Variants in KNDC1 observed in about 807,000 individuals in gnomAD.
KNDC1 encodes kinase non-catalytic C-lobe domain-containing protein 1.
In KNDC1, 106 loss-of-function variants were observed where a neutral mutation model predicts 172.8. The ratio of observed to expected loss-of-function variants is 0.61; its 90% CI spans 0.52 to 0.72. The LOEUF (loss-of-function observed/expected upper bound fraction) is 0.72, where lower values mean the gene tolerates loss of function less well. Among genes scored for constraint, KNDC1 ranks in the 30% least tolerant of loss-of-function variants. KNDC1 has a pLI of 0.00. For missense variants in KNDC1, 2,325 were observed against 2,394.5 expected (o/e 0.97, Z 0.61); for synonymous variants, 1,083 against 1,062.2 (o/e 1.02, Z -0.38).
intron 17 of KNDC1, 94 bp from the exon 18 acceptor site, chr10:133,206,591 G>A (rs1845199824): frequency 9.7e-7 from 1 of 1,030,310 alleles, no homozygotes; most frequent in Non-Finnish European, 1.5e-6. Flanking sequence ...GATCTCCAAG[G>A]CCAAGGAGGC....
At position 133,163,298 on chromosome 10, in the gene KNDC1, T is replaced by G. The variant is rs979527514; in HGVS notation, c.102+2729T>G. Reference sequence around the variant, plus strand: ...GCAGCACTATCATCCCTCCCAGAGTTCAGCAACTGCCTCCCAGAACCTCCT... The same window carrying G: ...GCAGCACTATCATCCCTCCCAGAGTGCAGCAACTGCCTCCCAGAACCTCCT... On this transcript the variant is annotated intron_variant, in intron 1 of 29. Transcript: ENST00000304613. The surrounding 1 kb of genome is among the most constrained non-coding windows in gnomAD (Gnocchi z 4.4). Among the ~76,000 whole-genome samples, 4 of 152,154 alleles carry G rather than the reference T, an allele frequency of 2.6e-5. No individual in the cohort carries two copies. Among genetic ancestry groups the G allele is most frequent in the African/African-American group, 9.7e-5 (4 of 41,414 alleles).
chr10:133,211,718 C>T lies in KNDC1; in HGVS notation c.4096C>T (p.Leu1366Phe). 1.2e-6 allele frequency: 2 copies of T among 1,607,020 alleles called. No homozygotes were observed. Among genetic ancestry groups the T allele is most frequent in the Non-Finnish European group, 1.7e-6 (2 of 1,176,864 alleles). ...CGGCTCTGCCAAGCACCTGCTGGGC[C>T]TCCTGGAGGTGGGCATGGACCGGCG... is the stretch of plus-strand genomic sequence containing the variant. ...LDGSAKHLLGLLEVGMDRRAE... is the reference protein window; with the variant it reads ...LDGSAKHLLGFLEVGMDRRAE... Residue 1366 changes from leucine to phenylalanine, a missense_variant, in exon 23 of 30, where the codon CTC becomes TTC. Physicochemically the swap from Leu to Phe is conservative, Grantham distance 22. Transcript: ENST00000304613.
At chr10:133,194,368 C>T (rs962837207) in intron 9 of KNDC1, among the ~76,000 whole-genome samples, 2 of 152,094 alleles carry the variant, frequency 1.3e-5, no homozygotes, top group Non-Finnish European at 2.9e-5. Context: ...AATGAAAATG[C>T]AACATATGGC....
At chr10:133,190,617 G>A (rs1854051651) in intron 9 of KNDC1, among the ~76,000 whole-genome samples, 1 of 152,262 alleles carries the variant, frequency 6.6e-6, no homozygotes, top group Non-Finnish European at 1.5e-5. Flanking sequence ...CACACTAAAA[G>A]CCGCGCTTTT....
chr10:133,198,968 G>A lies in KNDC1; in HGVS notation c.2460G>A (p.Thr820=), dbSNP rs377707096. The part of the protein sequence containing the change: ...GLRPDALGPT[T]AHHGPRHPPK... ...GGCCCGACGCCCTGGGGCCCACCAC[G>A]GCCCACCACGGCCCACGCCACCCGC... Residue 820 remains threonine (T), a synonymous_variant, in exon 14 of 30, where the codon ACG becomes ACA. Transcript: ENST00000304613. The A allele has an allele frequency of 3.8e-5, 59 of 1,540,934 alleles. No individual in the cohort carries two copies. Among genetic ancestry groups the A allele is most frequent in the Middle Eastern group, 1.7e-4 (1 of 5,790 alleles).
chr10:133,211,876 G>T lies in KNDC1; in HGVS notation c.4236+18G>T. The T allele has an allele frequency of 6.3e-7, 1 of 1,597,486 alleles. No homozygotes were observed. The stretch of plus-strand genomic sequence containing the variant: ...CCAGGAAGGTGGGGTCCTTTCTCAG[G>T]GGAGGTCCTCCCTGGACAGGCGGAT... On this transcript the variant is annotated intron_variant, in intron 23 of 29. Coordinates refer to ENST00000304613, the MANE Select transcript of KNDC1 (RefSeq NM_152643.8).
intron 1 of KNDC1, among the ~76,000 whole-genome samples, chr10:133,165,218 G>C (rs1853109853): frequency 6.6e-6 from 1 of 152,228 alleles, no homozygotes. Flanking sequence ...GAGAATCTCC[G>C]ACGGAATTCA....
intron 1 of KNDC1, 24 bp from the exon 2 acceptor site, chr10:133,167,357 C>G: frequency 6.5e-7 from 1 of 1,544,528 alleles, no homozygotes; most frequent in Non-Finnish European, 8.8e-7. Context: ...CTGCCGGGCT[C>G]ACGGCCAGGG....
At chr10:133,177,501 A>G (rs1180110245) in intron 3 of KNDC1, among the ~76,000 whole-genome samples, 1 of 150,890 alleles carries the variant, frequency 6.6e-6, no homozygotes, top group Admixed American at 6.6e-5. Context: ...GGTGTGTGTC[A>G]TGGTCATGTG....
intron 9 of KNDC1, among the ~76,000 whole-genome samples, chr10:133,193,622 A>G (rs1479178509): frequency 6.6e-6 from 1 of 152,220 alleles, no homozygotes; most frequent in Non-Finnish European, 1.5e-5. Flanking sequence ...GAAGAAAGGA[A>G]GAAGATTGAC....
intron 6 of KNDC1, among the ~76,000 whole-genome samples, chr10:133,187,018 G>A (rs956956748): frequency 1.3e-5 from 2 of 152,212 alleles, no homozygotes; most frequent in Non-Finnish European, 2.9e-5. Flanking sequence ...CCCCGGCTCC[G>A]TGATGTCATT....
chr10:133,185,900 A>AGAGGGGAGGGGCGG, intron 5 of KNDC1, 74 bp from the exon 6 acceptor site: 3 of 523,016 alleles, frequency 5.7e-6, no homozygotes, highest in Non-Finnish European at 8.6e-6. Flanking sequence ...GGGTGGGAGG[A>AGAGGGGAGGGGCGG]GAGGGGAGGG....
intron 23 of KNDC1, among the ~76,000 whole-genome samples, chr10:133,212,306 C>T (rs901865001): frequency 6.6e-6 from 1 of 151,826 alleles, no homozygotes; most frequent in Non-Finnish European, 1.5e-5. Context: ...TGCACCCTCA[C>T]ATCCACACGT....
rs113728359 is a variant in KNDC1 at position 133,182,559 on chromosome 10, C to T, written c.361-785C>T. ...GGAAAGGTGAAGCCCCACAGGCAGCCGTCCTGGGAAGAAGTGTCCAGGCCT... is the reference window on the plus strand; with the variant it reads ...GGAAAGGTGAAGCCCCACAGGCAGCTGTCCTGGGAAGAAGTGTCCAGGCCT... On this transcript the variant is annotated intron_variant, in intron 3 of 29. Transcript: ENST00000304613. 2.0e-3 allele frequency among the ~76,000 whole-genome samples: 312 copies of T among 152,360 alleles called. 2 individuals carry two copies. The highest frequency in any genetic ancestry group is 6.0e-3 in the African/African-American group (249 of 41,584).
chr10:133,197,882 A>G (rs1323256432), intron 12 of KNDC1, 114 bp downstream of exon 12: 2 of 887,564 alleles, frequency 2.3e-6, no homozygotes, highest in South Asian at 2.7e-5. Flanking sequence ...CCCGGGAAGC[A>G]AGTCCAGAGC....
Position 133,206,779 on chromosome 10 carries a change from G to A in KNDC1, c.3481+1G>A. On this transcript the variant is annotated splice_donor_variant, in intron 18 of 29. Transcript: ENST00000304613. LOFTEE classifies it high-confidence loss of function. Reference sequence around the variant, plus strand: ...TTACAGAAGGAAAAGAGGAACAAAGGTAAGGCCCCTGTGGGCACAGGTCCG... The same window carrying A: ...TTACAGAAGGAAAAGAGGAACAAAGATAAGGCCCCTGTGGGCACAGGTCCG... 1 of 1,614,030 alleles carries A rather than the reference G, an allele frequency of 6.2e-7. No individual in the cohort carries two copies. Among genetic ancestry groups the A allele is most frequent in the Non-Finnish European group, 8.5e-7 (1 of 1,179,974 alleles).
intron 3 of KNDC1, among the ~76,000 whole-genome samples, chr10:133,178,334 A>C (rs1178828396): frequency 6.6e-6 from 1 of 152,204 alleles, no homozygotes; most frequent in Non-Finnish European, 1.5e-5. Context: ...TTCAGTGGAT[A>C]GTGCTTTTTA....
Position 133,207,211 on chromosome 10 carries a change from C to A in KNDC1, c.3654C>A (p.Cys1218Ter). The change falls in exon 20 of 30, where the codon TGC becomes TGA. Residue 1218 changes from cysteine to a stop codon, truncating the protein, a stop_gained. Coordinates refer to ENST00000304613, the MANE Select transcript of KNDC1 (RefSeq NM_152643.8). LOFTEE classifies it high-confidence loss of function. ...TCGTGAACATCGCGGCCGCACCCTGCGACACGCTGGACTTCAGCCCCCTGG... is the reference window on the plus strand; with the variant it reads ...TCGTGAACATCGCGGCCGCACCCTGAGACACGCTGGACTTCAGCCCCCTGG... ...PVIVNIAAAP[C>*]DTLDFSPLDE... 6.2e-7 allele frequency: 1 copy of A among 1,612,102 alleles called. No homozygotes were observed. Among genetic ancestry groups the A allele is most frequent in the Non-Finnish European group, 8.5e-7 (1 of 1,179,828 alleles).
At chr10:133,221,996 G>A (rs1316366897) in intron 29 of KNDC1, among the ~76,000 whole-genome samples, 3 of 149,526 alleles carry the variant, frequency 2.0e-5, no homozygotes, top group African/African-American at 7.5e-5. Context: ...TGTAACCCTA[G>A]GTGGGCCGGG....
Sources: gnomAD v4.1 joint callset for allele counts (sites outside exome capture counted in the v4.1 genomes callset) on GRCh38, gnomAD v4.1.1 for gene constraint, Gnocchi (gnomAD v3.1) non-coding constraint, MANE v1.5 for transcripts, NCBI Gene and HGNC (gene_info 2026-07-23, HGNC 2026-07-21) for gene names.